Variants in KAT6B observed in about 807,000 individuals in gnomAD.
KAT6B encodes the protein histone acetyltransferase KAT6B.
Under a neutral mutation model 187.5 loss-of-function variants are expected in KAT6B, and 10 were observed. The observed-to-expected ratio is 0.05, with a 90% confidence interval of 0.03 to 0.09. KAT6B has a LOEUF of 0.09. Ranked by LOEUF, KAT6B falls within the 10% of genes least tolerant of loss-of-function variation. The probability of loss-of-function intolerance (pLI) is 1.00; values close to 1 mark genes in which losing one functional copy is unlikely to be tolerated. For synonymous variants in KAT6B, 861 were observed against 926.8 expected (o/e 0.93, Z 1.29); for missense variants, 1,952 against 2,558.9 (o/e 0.76, Z 5.12).
chr10:74,934,877 C>G (rs945058048), intron 3 of KAT6B, among the ~76,000 whole-genome samples: 1 of 152,186 alleles, frequency 6.6e-6, no homozygotes, highest in African/African-American at 2.4e-5. Context: ...CCCAATTATA[C>G]TCACCTCTGC....
intron 3 of KAT6B, among the ~76,000 whole-genome samples, chr10:74,845,624 G>A (rs538571350): frequency 4.1e-4 from 62 of 151,138 alleles, no homozygotes; most frequent in African/African-American, 1.5e-3. Flanking sequence ...TTCCTCCCAA[G>A]TAACTGGGAA....
Position 74,843,280 on chromosome 10 carries a change from C to T in KAT6B, c.423C>T (p.Ser141=), listed in dbSNP as rs779662050. ...KYLRSQSDLT[S]TTNNPAFQQR... ...TCAGAAGTCAAAGTGATCTCACAAGCACCACCAACAACCCAGCCTTTCAGC... is the reference window on the plus strand; with the variant it reads ...TCAGAAGTCAAAGTGATCTCACAAGTACCACCAACAACCCAGCCTTTCAGC... The change falls in exon 3 of 18, where the codon AGC becomes AGT. Residue 141 remains serine, a synonymous_variant. Coordinates refer to ENST00000287239, the MANE Select transcript of KAT6B (RefSeq NM_012330.4). 1.2e-6 allele frequency: 2 copies of T among 1,614,024 alleles called. No homozygotes were observed. The highest frequency in any genetic ancestry group is 1.7e-6 in the Non-Finnish European group (2 of 1,180,002).
chr10:74,850,912 T>C (rs191535097), intron 3 of KAT6B, among the ~76,000 whole-genome samples: 1 of 152,342 alleles, frequency 6.6e-6, no homozygotes, highest in Admixed American at 6.5e-5. Context: ...TTGGTCTGTT[T>C]CCAGTGTAGT....
chr10:74,981,957 CT>C (rs1564604272), intron 11 of KAT6B, 29 bp downstream of exon 11: 1 of 1,605,112 alleles, frequency 6.2e-7, no homozygotes, highest in Non-Finnish European at 8.5e-7. Flanking sequence ...AAAAATTCAG[CT>C]TTTTGAAATC....
chr10:75,022,374 A>C, intron 16 of KAT6B, 143 bp downstream of exon 16: 2 of 961,272 alleles, frequency 2.1e-6, no homozygotes, highest in Non-Finnish European at 3.4e-6. Context: ...ATCATATATC[A>C]TAATCGTTTA....
At chr10:74,899,364 C>G (rs1170103993) in intron 3 of KAT6B, among the ~76,000 whole-genome samples, 7 of 151,096 alleles carry the variant, frequency 4.6e-5, no homozygotes, top group South Asian at 2.1e-4. Context: ...ACTTCTGCCT[C>G]TTGGGTTCAA....
At chr10:74,836,455 C>A (rs967179226) in intron 1 of KAT6B, among the ~76,000 whole-genome samples, 16 of 152,196 alleles carry the variant, frequency 1.1e-4, no homozygotes, top group African/African-American at 3.9e-4. Context: ...GCTTTGTATT[C>A]CCCATAGTAC....
At chr10:74,883,104 G>A (rs1319395223) in intron 3 of KAT6B, among the ~76,000 whole-genome samples, 1 of 152,188 alleles carries the variant, frequency 6.6e-6, no homozygotes, top group Non-Finnish European at 1.5e-5. Flanking sequence ...TTGGCTATGG[G>A]ATTGAAATAA....
At position 75,025,020 on chromosome 10, in the gene KAT6B, A is replaced by G. The variant is rs2134197251; in HGVS notation, c.3435A>G (p.Thr1145=). 1 of 1,614,252 alleles carries G rather than the reference A, an allele frequency of 6.2e-7. No homozygotes were observed. Among genetic ancestry groups the G allele is most frequent in the Non-Finnish European group, 8.5e-7 (1 of 1,180,044 alleles). ...GCAGGAGGATCAACAGCAGTGTAAC[A>G]ACAGAGACCATTTCAGAGACGACAG... ...RKRRRINSSV[T]TETISETTEV... Residue 1145 remains threonine (T), a synonymous_variant, in exon 17 of 18, where the codon ACA becomes ACG. Transcript: ENST00000287239.
intron 3 of KAT6B, among the ~76,000 whole-genome samples, chr10:74,934,933 C>T (rs1421296049): frequency 1.3e-5 from 2 of 152,216 alleles, no homozygotes; most frequent in Non-Finnish European, 2.9e-5. Flanking sequence ...TATCTACTGA[C>T]AGAATCCCTT....
At chr10:74,880,606 C>T (rs1447672138) in intron 3 of KAT6B, among the ~76,000 whole-genome samples, 2 of 151,888 alleles carry the variant, frequency 1.3e-5, no homozygotes, top group Admixed American at 6.6e-5. Flanking sequence ...TGCTGGTCTT[C>T]AGGTGTGTCT....
At chr10:74,871,726 C>T (rs1564533558) in intron 3 of KAT6B, among the ~76,000 whole-genome samples, 1 of 151,968 alleles carries the variant, frequency 6.6e-6, no homozygotes, top group Admixed American at 6.6e-5. Flanking sequence ...TGAGGTATAC[C>T]AAGATGAGTA....
intron 3 of KAT6B, among the ~76,000 whole-genome samples, chr10:74,917,492 G>T (rs1371871768): frequency 6.6e-6 from 1 of 152,042 alleles, no homozygotes; most frequent in Non-Finnish European, 1.5e-5. Context: ...TGTCTTTCAT[G>T]ACTTCAGCAA....
chr10:74,955,563 C>T (rs552820527), intron 3 of KAT6B, among the ~76,000 whole-genome samples: 12 of 152,004 alleles, frequency 7.9e-5, no homozygotes, highest in South Asian at 4.2e-4. Context: ...CATTAACATA[C>T]GAACACCCTT....
chr10:74,869,544 C>G (rs1268054571), intron 3 of KAT6B, among the ~76,000 whole-genome samples: 3 of 152,166 alleles, frequency 2.0e-5, no homozygotes, highest in Non-Finnish European at 4.4e-5. Flanking sequence ...CCTGGGCCTC[C>G]CAAAGTGCTG....
chr10:74,927,399 C>T (rs1455581961), intron 3 of KAT6B, among the ~76,000 whole-genome samples: 2 of 149,836 alleles, frequency 1.3e-5, no homozygotes, highest in Non-Finnish European at 1.5e-5. Flanking sequence ...GGGGAGCCAT[C>T]GGCCCAGCAG....
intron 3 of KAT6B, among the ~76,000 whole-genome samples, chr10:74,877,448 T>G (rs1183524174): frequency 6.6e-6 from 1 of 152,228 alleles, no homozygotes; most frequent in Non-Finnish European, 1.5e-5. Context: ...GTAGGCAGCT[T>G]CTGAACCAGA....
chr10:74,869,737 G>T (rs1490166410), intron 3 of KAT6B, among the ~76,000 whole-genome samples: 1 of 152,078 alleles, frequency 6.6e-6, no homozygotes, highest in South Asian at 2.1e-4. Context: ...TGGCTATTTT[G>T]TAACTTAAGT....
chr10:74,931,775 AGCTTG>A (rs1848899502), intron 3 of KAT6B, among the ~76,000 whole-genome samples: 1 of 152,230 alleles, frequency 6.6e-6, no homozygotes, highest in South Asian at 2.1e-4. Context: ...CAGTGGCTCA[AGCTTG>A]GCTCACTGCA....
Sources: allele counts gnomAD v4.1 joint callset (sites outside exome capture counted in the v4.1 genomes callset), GRCh38; gene constraint gnomAD v4.1.1; transcripts MANE v1.5; gene names NCBI Gene and HGNC (gene_info 2026-07-23, HGNC 2026-07-21).